CBFB: variants seen among roughly 807,000 people sequenced by gnomAD.
CBFB encodes the protein CBF-beta.
In CBFB, 9 loss-of-function variants were observed where a neutral mutation model predicts 30.4. The ratio of observed to expected loss-of-function variants is 0.30; its 90% CI spans 0.18 to 0.52. The LOEUF (loss-of-function observed/expected upper bound fraction) is 0.52, where lower values mean the gene tolerates loss of function less well. Ranked by LOEUF, CBFB falls within the 20% of genes least tolerant of loss-of-function variation. The probability of loss-of-function intolerance (pLI) is 0.97; values close to 1 mark genes in which losing one functional copy is unlikely to be tolerated. For missense variants in CBFB, 170 were observed against 244.0 expected, an observed-to-expected ratio of 0.70 and a Z score of 2.02; for synonymous variants, 94 against 84.0, an observed-to-expected ratio of 1.12 and a Z score of -0.65.
At chr16:67,096,532 A>G (rs1314325049) in intron 5 of CBFB, among the ~76,000 whole-genome samples, 2 of 151,988 alleles carry the variant, frequency 1.3e-5, no homozygotes, top group African/African-American at 4.8e-5. Context: ...TTAAATAGGA[A>G]TGTTGACTCC....
chr16:67,045,692 T>C (rs985507924), intron 3 of CBFB, among the ~76,000 whole-genome samples: 5 of 152,188 alleles, frequency 3.3e-5, no homozygotes, highest in African/African-American at 1.2e-4. Context: ...GAAATTCTCT[T>C]TCATGACCTT....
intron 3 of CBFB, among the ~76,000 whole-genome samples, chr16:67,039,759 T>G (rs966482181): frequency 6.6e-6 from 1 of 152,168 alleles, no homozygotes; most frequent in Non-Finnish European, 1.5e-5. Context: ...GTTTTCAGTT[T>G]TGCAGGCTTT....
intron 3 of CBFB, among the ~76,000 whole-genome samples, chr16:67,052,824 G>A (rs1243744142): frequency 6.6e-6 from 1 of 151,894 alleles, no homozygotes; most frequent in East Asian, 1.9e-4. Context: ...TTAGCCAGGT[G>A]TCGTGATACA....
In CBFB at chr16:67,100,788, G is replaced by A. The variant is rs1199923879; in HGVS notation, c.*2010G>A. 2 of 215,698 alleles carry A rather than the reference G, an allele frequency of 9.3e-6. No individual in the cohort carries two copies. The highest frequency in any genetic ancestry group is 1.9e-5 in the Non-Finnish European group (2 of 106,782). The allele number at this position is 215,698 out of a possible 1,614,324, so 13.4% of individuals were successfully genotyped here. On this transcript the variant is annotated 3_prime_UTR_variant, in exon 6 of 6. Transcript: ENST00000412916. ...TTTTTCTGTCATTTAGCACCATGCT[G>A]CTTCTGTCTGTCTTAATGCTGGCAT...
chr16:67,040,899 C>A (rs1597125765), intron 3 of CBFB, among the ~76,000 whole-genome samples: 1 of 151,970 alleles, frequency 6.6e-6, no homozygotes, highest in Admixed American at 6.6e-5. Flanking sequence ...ATGTTCCGGA[C>A]AAAGGAAACA....
At chr16:67,045,668 T>G (rs1285200892) in intron 3 of CBFB, among the ~76,000 whole-genome samples, 1 of 152,204 alleles carries the variant, frequency 6.6e-6, no homozygotes, top group Admixed American at 6.5e-5. Flanking sequence ...TTATTTCCAT[T>G]TTAGTGTAAA....
At chr16:67,043,670 A>T (rs1686147277) in intron 3 of CBFB, among the ~76,000 whole-genome samples, 1 of 152,240 alleles carries the variant, frequency 6.6e-6, no homozygotes. Context: ...TAACATGTAA[A>T]TGAGGATCAG....
chr16:67,038,586 A>G (rs1424789366), intron 3 of CBFB, among the ~76,000 whole-genome samples: 1 of 152,120 alleles, frequency 6.6e-6, no homozygotes, highest in African/African-American at 2.4e-5. Flanking sequence ...TGAATGTTCC[A>G]GATTTTACTA....
At chr16:67,067,719 C>T (rs1283072130) in intron 4 of CBFB, among the ~76,000 whole-genome samples, 1 of 151,942 alleles carries the variant, frequency 6.6e-6, no homozygotes, top group East Asian at 1.9e-4. Context: ...AGAGAGCTGA[C>T]TTTATTAAAA....
intron 4 of CBFB, among the ~76,000 whole-genome samples, chr16:67,072,690 T>C (rs1241561490): frequency 1.3e-5 from 2 of 152,084 alleles, no homozygotes; most frequent in African/African-American, 4.8e-5. Context: ...GGTCTTCAAC[T>C]CCTGACCTCA....
intron 4 of CBFB, among the ~76,000 whole-genome samples, chr16:67,076,992 T>G (rs1478746414): frequency 6.6e-6 from 1 of 152,198 alleles, no homozygotes; most frequent in Non-Finnish European, 1.5e-5. Flanking sequence ...GTAAGTTATA[T>G]AAACTATAAC....
intron 4 of CBFB, among the ~76,000 whole-genome samples, chr16:67,072,793 CAG>C (rs1034875175): frequency 6.6e-6 from 1 of 150,954 alleles, no homozygotes; most frequent in South Asian, 2.1e-4. Context: ...TTTTTAGCGA[CAG>C]AGTCTTGCTC....
At chr16:67,034,034 T>C (rs1966402369) in intron 2 of CBFB, among the ~76,000 whole-genome samples, 1 of 151,976 alleles carries the variant, frequency 6.6e-6, no homozygotes, top group African/African-American at 2.4e-5. Flanking sequence ...TTCACTATAT[T>C]GGCCAGACTG....
intron 3 of CBFB, among the ~76,000 whole-genome samples, chr16:67,050,085 A>G (rs1191183705): frequency 1.3e-5 from 2 of 151,242 alleles, no homozygotes; most frequent in East Asian, 3.9e-4. Context: ...TGCAAACTCC[A>G]CATACCACCT....
chr16:67,083,433 T>C (rs973900633), intron 5 of CBFB, among the ~76,000 whole-genome samples: 12 of 151,914 alleles, frequency 7.9e-5, no homozygotes, highest in African/African-American at 2.9e-4. Flanking sequence ...GTAGCTGGGA[T>C]TACAGGCGCA....
intron 5 of CBFB, among the ~76,000 whole-genome samples, chr16:67,094,742 C>G (rs912742987): frequency 6.6e-6 from 1 of 152,186 alleles, no homozygotes; most frequent in Non-Finnish European, 1.5e-5. Flanking sequence ...CCTTACACTG[C>G]ATTTAGCATT....
intron 4 of CBFB, among the ~76,000 whole-genome samples, chr16:67,078,305 TG>T (rs928021731): frequency 2.6e-5 from 4 of 152,176 alleles, no homozygotes; most frequent in Non-Finnish European, 5.9e-5. Context: ...CCCAGCACTT[TG>T]GGAGGTTGAG....
chr16:67,040,030 C>T (rs990996351), intron 3 of CBFB, among the ~76,000 whole-genome samples: 13 of 152,116 alleles, frequency 8.5e-5, no homozygotes, highest in African/African-American at 2.7e-4. Flanking sequence ...GGCAAAAACT[C>T]GTACTGTACT....
intron 4 of CBFB, among the ~76,000 whole-genome samples, chr16:67,069,738 C>T (rs1037744348): frequency 2.0e-5 from 3 of 152,120 alleles, no homozygotes; most frequent in African/African-American, 7.2e-5. Flanking sequence ...TCCTCACACG[C>T]GAAGGAACCA....
Sources: allele counts gnomAD v4.1 joint callset (sites outside exome capture counted in the v4.1 genomes callset), GRCh38; gene constraint gnomAD v4.1.1; transcripts MANE v1.5; gene names NCBI Gene and HGNC (gene_info 2026-07-23, HGNC 2026-07-21).